LRRIQ1: variants seen among roughly 807,000 people sequenced by gnomAD.
The protein encoded by LRRIQ1 is leucine-rich repeat- and IQ domain-containing protein 1.
Under a neutral mutation model 211.9 loss-of-function variants are expected in LRRIQ1, and 210 were observed. The observed-to-expected ratio is 0.99, with a 90% confidence interval of 0.89 to 1.11. The LOEUF (loss-of-function observed/expected upper bound fraction) is 1.11, where lower values mean the gene tolerates loss of function less well. LRRIQ1 is among the 50% of genes most tolerant of loss of function. The pLI is 0.00. For missense variants in LRRIQ1, 2,136 were observed against 1,939.5 expected, an observed-to-expected ratio of 1.10 and a Z score of -1.90; for synonymous variants, 699 against 650.1, an observed-to-expected ratio of 1.08 and a Z score of -1.14.
At chr12:85,224,294 G>A (rs1330677433) in intron 24 of LRRIQ1, among the ~76,000 whole-genome samples, 2 of 152,086 alleles carry the variant, frequency 1.3e-5, no homozygotes, top group Non-Finnish European at 2.9e-5. Flanking sequence ...TTACACTGTT[G>A]GTGGGAGTGT....
At chr12:85,096,513 G>C (rs968703076) in intron 11 of LRRIQ1, among the ~76,000 whole-genome samples, 3 of 152,058 alleles carry the variant, frequency 2.0e-5, no homozygotes, top group Admixed American at 2.0e-4. Flanking sequence ...TGCTACTCTG[G>C]TCTGAAAGTA....
chr12:85,098,407 G>T lies in LRRIQ1; in HGVS notation c.2940G>T (p.Gln980His). ...AACAACTAATTTTGGACCACAATCA[G>T]TTAATTAATACAAAAGGTCTTTGTG... is the stretch of plus-strand genomic sequence containing the variant. Reference protein sequence around the residue: ...NLQQLILDHNQLINTKGLCDT... With the variant: ...NLQQLILDHNHLINTKGLCDT... Residue 980 changes from glutamine (Q) to histidine (H), a missense_variant, in exon 12 of 27, where the codon CAG (glutamine) becomes CAT (histidine). By Grantham distance (24) the Gln-to-His change is conservative. Coordinates refer to ENST00000393217, the MANE Select transcript of LRRIQ1 (RefSeq NM_001079910.2). 1.2e-6 allele frequency: 2 copies of T among 1,610,066 alleles called. No individual in the cohort carries two copies. The highest frequency in any genetic ancestry group is 1.7e-6 in the Non-Finnish European group (2 of 1,178,176).
intron 8 of LRRIQ1, among the ~76,000 whole-genome samples, chr12:85,057,472 A>T (rs1024133688): frequency 2.6e-5 from 4 of 152,020 alleles, no homozygotes; most frequent in African/African-American, 9.7e-5. Flanking sequence ...TAAGAATGGA[A>T]GCATATAGAA....
chr12:85,068,056 C>A (rs907140232), intron 10 of LRRIQ1, among the ~76,000 whole-genome samples: 4 of 151,876 alleles, frequency 2.6e-5, no homozygotes. Flanking sequence ...GGCTTGATTT[C>A]TTCTATTGTT....
Position 85,162,644 on chromosome 12 carries a change from A to G in LRRIQ1, c.4822+1930A>G, listed in dbSNP as rs753421832. The G allele has an allele frequency of 2.2e-4, 89 of 407,988 alleles. No individual in the cohort carries two copies. In the Middle Eastern group the frequency reaches 5.8e-3, roughly 27 times the overall value. The allele number at this position is 407,988 out of a possible 1,614,324, so 25.3% of individuals were successfully genotyped here. ...TGTTTATTGAATTGTGTACTGGTAT[A>G]AAATATGCTAGAAATAGTTCAAAGT... On this transcript the variant is annotated intron_variant, in intron 24 of 26. Transcript: ENST00000393217.
At chr12:85,119,004 G>A (rs1397321814) in intron 15 of LRRIQ1, among the ~76,000 whole-genome samples, 1 of 152,038 alleles carries the variant, frequency 6.6e-6, no homozygotes, top group African/African-American at 2.4e-5. Flanking sequence ...CCATCAATGA[G>A]TCTACATTGA....
intron 11 of LRRIQ1, among the ~76,000 whole-genome samples, chr12:85,084,106 G>C (rs1035462735): frequency 6.6e-6 from 1 of 151,982 alleles, no homozygotes; most frequent in African/African-American, 2.4e-5. Flanking sequence ...TTTCATATTT[G>C]TAAAAATGTA....
chr12:85,223,739 A>G (rs532971398), intron 24 of LRRIQ1, among the ~76,000 whole-genome samples: 1 of 152,164 alleles, frequency 6.6e-6, no homozygotes, highest in African/African-American at 2.4e-5. Flanking sequence ...AAATATTTGC[A>G]CCAGGGATAA....
At chr12:85,173,376 T>C (rs1891513400) in intron 24 of LRRIQ1, among the ~76,000 whole-genome samples, 1 of 152,322 alleles carries the variant, frequency 6.6e-6, no homozygotes. Flanking sequence ...ATATGTGTCC[T>C]AGTGAGCTCA....
chr12:85,213,362 G>A (rs1893930319), intron 24 of LRRIQ1, among the ~76,000 whole-genome samples: 1 of 151,876 alleles, frequency 6.6e-6, no homozygotes, highest in Non-Finnish European at 1.5e-5. Context: ...AGAATACTAA[G>A]AAGTAGCAAA....
chr12:85,137,167 A>G (rs1215799724), intron 18 of LRRIQ1, among the ~76,000 whole-genome samples: 2 of 151,354 alleles, frequency 1.3e-5, no homozygotes, highest in Non-Finnish European at 3.0e-5. Flanking sequence ...ATAGCTAAAC[A>G]GTAACATAAA....
At chr12:85,086,073 C>G (rs1364558012) in intron 11 of LRRIQ1, among the ~76,000 whole-genome samples, 1 of 152,174 alleles carries the variant, frequency 6.6e-6, no homozygotes, top group Non-Finnish European at 1.5e-5. Context: ...GTTCCCTTTT[C>G]TCTGCAACCT....
At chr12:85,238,219 A>C (rs1466626700) in intron 26 of LRRIQ1, among the ~76,000 whole-genome samples, 1 of 152,030 alleles carries the variant, frequency 6.6e-6, no homozygotes, top group Non-Finnish European at 1.5e-5. Context: ...AAAGTGGGGC[A>C]GAGAGAGAAA....
At chr12:85,097,619 G>A (rs541249661) in intron 11 of LRRIQ1, among the ~76,000 whole-genome samples, 4 of 152,062 alleles carry the variant, frequency 2.6e-5, no homozygotes, top group Non-Finnish European at 4.4e-5. Flanking sequence ...TAATTTTAAC[G>A]AACAGAGTAA....
At chr12:85,124,594 C>T (rs1172197963) in intron 17 of LRRIQ1, 75 bp downstream of exon 17, 2 of 1,124,110 alleles carry the variant, frequency 1.8e-6, no homozygotes, top group African/African-American at 3.1e-5. Flanking sequence ...GTCAATGGTA[C>T]CTAGTAATTT....
At chr12:85,094,301 T>C (rs1336611191) in intron 11 of LRRIQ1, among the ~76,000 whole-genome samples, 1 of 152,182 alleles carries the variant, frequency 6.6e-6, no homozygotes, top group Non-Finnish European at 1.5e-5. Context: ...CCACTGATTC[T>C]ACTTTGTGGT....
chr12:85,272,299 G>T, the LRRIQ1 span, among the ~76,000 whole-genome samples: 1 of 152,150 alleles, frequency 6.6e-6, no homozygotes, highest in South Asian at 2.1e-4. Context: ...AAGATTAAAG[G>T]GCATTTCTAC....
rs1176544778 is a variant in LRRIQ1 at position 85,217,466 on chromosome 12, GTATATATATA to G, written c.4823-12035_4823-12026del. ...CCTTTAGATAGAGCAGGGACCTGAA[GTATATATATA>G]TATATATATATATATGTATATATAT... On this transcript the variant is annotated intron_variant, in intron 24 of 26. Transcript: ENST00000393217. Among the ~76,000 whole-genome samples, 130 of 67,010 alleles carry G rather than the reference GTATATATATA, an allele frequency of 1.9e-3. 1 individual carries two copies. Among genetic ancestry groups the G allele is most frequent in the Non-Finnish European group, 1.9e-3 (79 of 41,650 alleles). The allele number at this position is 67,010 out of a possible 152,430, so 44.0% of individuals were successfully genotyped here.
At chr12:85,175,238 G>A (rs760942810) in intron 24 of LRRIQ1, among the ~76,000 whole-genome samples, 1 of 152,086 alleles carries the variant, frequency 6.6e-6, no homozygotes, top group African/African-American at 2.4e-5. Context: ...GCAAGAGAAA[G>A]AAGCAAAGGA....
Sources: allele counts gnomAD v4.1 joint callset (sites outside exome capture counted in the v4.1 genomes callset), GRCh38; gene constraint gnomAD v4.1.1; transcripts MANE v1.5; gene names NCBI Gene and HGNC (gene_info 2026-07-23, HGNC 2026-07-21).